ZC3H12A: variants seen among roughly 807,000 people sequenced by gnomAD.
The protein encoded by ZC3H12A is zinc finger CCCH-type containing 12A, also known as endoribonuclease ZC3H12A.
A neutral mutation model predicts 29.9 loss-of-function variants in ZC3H12A; 9 were observed. The observed-to-expected ratio is 0.30, with a 90% CI of 0.18 to 0.53. The LOEUF (loss-of-function observed/expected upper bound fraction) is 0.53. Ranked by LOEUF, ZC3H12A falls within the 20% of genes least tolerant of loss-of-function variation. The probability of loss-of-function intolerance (pLI) is 0.96; values close to 1 mark genes in which losing one functional copy is unlikely to be tolerated. For synonymous variants in ZC3H12A, 323 were observed against 338.1 expected (o/e 0.96, Z 0.49); for missense variants, 617 against 799.0 (o/e 0.77, Z 2.75).
In ZC3H12A at chr1:37,474,886, C is replaced by T. The variant is rs1054733401; in HGVS notation, c.-39+257C>T. ...GGGCCGAGCAAGCGCGGGTCTCGGG[C>T]CGGGACAGCCTCGGCGTCACCAGCT... is the stretch of plus-strand genomic sequence containing the variant. On this transcript the variant is annotated intron_variant, in intron 1 of 5. Coordinates refer to ENST00000373087, the MANE Select transcript of ZC3H12A (RefSeq NM_025079.3). Among the ~76,000 whole-genome samples the T allele has an allele frequency of 7.9e-5, 12 of 152,282 alleles. 1 individual carries two copies. The highest frequency in any genetic ancestry group is 6.2e-4 in the South Asian group (3 of 4,826).
In ZC3H12A at chr1:37,483,243, C is replaced by T. The variant is rs748650057; in HGVS notation, c.1432C>T (p.Leu478Phe). Residue 478 changes from leucine to phenylalanine, a missense_variant, in exon 6 of 6, where the codon CTC becomes TTC. By Grantham distance (22) the Leu-to-Phe change is conservative. Transcript: ENST00000373087. ...GGGCTACAGTCCCTATGGATCTGAG[C>T]TCCCAGCCACCGCAGCCTTCTCTGC... is the stretch of plus-strand genomic sequence containing the variant. Reference protein sequence around the residue: ...YTGYSPYGSELPATAAFSAFG... With the variant: ...YTGYSPYGSEFPATAAFSAFG... 6.2e-7 allele frequency: 1 copy of T among 1,613,916 alleles called. No homozygotes were observed. Among genetic ancestry groups the T allele is most frequent in the Non-Finnish European group, 8.5e-7 (1 of 1,179,978 alleles).
rs141799742 is a variant in ZC3H12A at position 37,478,049 on chromosome 1, G to A, written c.443+2110G>A. On this transcript the variant is annotated intron_variant, in intron 2 of 5. Transcript: ENST00000373087. The surrounding 1 kb of genome is among the most constrained non-coding windows in gnomAD (Gnocchi z 5.2). ...GATACTAGCCTAGGATCATGTGCCC[G>A]GAGGGAGGCAGGTGGGCGGATACAT... 4.6e-5 allele frequency among the ~76,000 whole-genome samples: 7 copies of A among 152,268 alleles called. No homozygotes were observed. Among genetic ancestry groups the A allele is most frequent in the East Asian group, 3.9e-4 (2 of 5,184 alleles).
chr1:37,480,248 G>C (rs1641675305), intron 2 of ZC3H12A, 42 bp from the exon 3 acceptor site: 2 of 1,591,348 alleles, frequency 1.3e-6, no homozygotes, highest in South Asian at 2.3e-5. Context: ...GGGGTGGCAG[G>C]CTGGCCATCA....
chr1:37,475,723 C>A lies in ZC3H12A; in HGVS notation c.227C>A (p.Ala76Glu), dbSNP rs754883836. 4.3e-6 allele frequency: 7 copies of A among 1,613,936 alleles called. No individual in the cohort carries two copies. Among genetic ancestry groups the A allele is most frequent in the Non-Finnish European group, 1.7e-6 (2 of 1,180,054 alleles). The change falls in exon 2 of 6, where the codon GCA becomes GAA. Residue 76 changes from alanine (A) to glutamate (E), a missense_variant. Coordinates refer to ENST00000373087, the MANE Select transcript of ZC3H12A (RefSeq NM_025079.3). The surrounding 1 kb of genome is among the most constrained non-coding windows in gnomAD (Gnocchi z 5.2). ...GTCCTGCAGAAGCTGGGCGTCCAGG[C>A]AGACACCAACACGGTGCTGGGTGAG... ...HSVLQKLGVQ[A>E]DTNTVLGELV...
Position 37,480,335 on chromosome 1 carries a change from A to G in ZC3H12A, c.489A>G (p.Ala163=). Residue 163 remains alanine (A), a synonymous_variant, in exon 3 of 6, where the codon GCA becomes GCG. Coordinates refer to ENST00000373087, the MANE Select transcript of ZC3H12A (RefSeq NM_025079.3). ...TCTCCTGCCGGGGCATCCTGCTGGC[A>G]GTGAACTGGTTTCTGGAGCGGGGCC... The part of the protein sequence containing the change: ...EVFSCRGILL[A]VNWFLERGHT... The G allele has an allele frequency of 6.2e-7, 1 of 1,614,096 alleles. No homozygotes were observed. The highest frequency in any genetic ancestry group is 8.5e-7 in the Non-Finnish European group (1 of 1,179,964).
rs1489906549 is a variant in ZC3H12A, at chr1:37,476,164, A to G, written c.443+225A>G. ...CCAGGTCCCTCTGTCCGCAGAGCTT[A>G]CCTTATGCTGTGGGTCCCTCCCTGA... On this transcript the variant is annotated intron_variant, in intron 2 of 5. Coordinates refer to ENST00000373087, the MANE Select transcript of ZC3H12A (RefSeq NM_025079.3). The surrounding 1 kb of genome is among the most constrained non-coding windows in gnomAD (Gnocchi z 6.0). Among the ~76,000 whole-genome samples the G allele has an allele frequency of 3.3e-5, 5 of 152,062 alleles. No homozygotes were observed. The highest frequency in any genetic ancestry group is 7.4e-5 in the Non-Finnish European group (5 of 68,008).
rs1297059756 is a variant in ZC3H12A at position 37,476,008 on chromosome 1, G to A, written c.443+69G>A. 6 of 1,397,518 alleles carry A rather than the reference G, an allele frequency of 4.3e-6. No homozygotes were observed. In the East Asian group the frequency reaches 1.5e-4, roughly 34 times the overall value. The allele number at this position is 1,397,518 out of a possible 1,614,324, so 86.6% of individuals were successfully genotyped here. On this transcript the variant is annotated intron_variant, in intron 2 of 5. Coordinates refer to ENST00000373087, the MANE Select transcript of ZC3H12A (RefSeq NM_025079.3). The surrounding 1 kb of genome is among the most constrained non-coding windows in gnomAD (Gnocchi z 6.0). ...CTCCTGTGGCCAGGACACATGGAAG[G>A]ATGACTGTCTCTGCAGCTCTGGTGG...
In ZC3H12A at chr1:37,479,547, G is replaced by T; in HGVS notation, c.444-743G>T. ...CCTGATGGTCTTTCTGCCTTGGGGT[G>T]AAGAGGCATTTGGGGGAATTGCCAT... On this transcript the variant is annotated intron_variant, in intron 2 of 5. Coordinates refer to ENST00000373087, the MANE Select transcript of ZC3H12A (RefSeq NM_025079.3). The surrounding 1 kb of genome is among the most constrained non-coding windows in gnomAD (Gnocchi z 4.5). 2 of 985,440 alleles carry T rather than the reference G, an allele frequency of 2.0e-6. No individual in the cohort carries two copies. The highest frequency in any genetic ancestry group is 9.4e-5 in the South Asian group (2 of 21,292). The allele number at this position is 985,440 out of a possible 1,614,324, so 61.0% of individuals were successfully genotyped here. A position where few individuals can be genotyped will look rare whatever the true frequency, so the allele number is the denominator to read the frequency against.
rs1641741148 is a variant in ZC3H12A, at chr1:37,482,917, CAG to C, written c.1111_1112del (p.Ser371Ter). ...TCATCCCAGTCCAGCTCTCTGCTAA[CAG>C]AGAGTGAGCAGTGCAGCCTGGATGG... On this transcript the variant is annotated frameshift_variant, in exon 6 of 6. Coordinates refer to ENST00000373087, the MANE Select transcript of ZC3H12A (RefSeq NM_025079.3). LOFTEE classifies it low-confidence loss of function (END_TRUNC). 2 of 1,613,756 alleles carry C rather than the reference CAG, an allele frequency of 1.2e-6. No homozygotes were observed. Among genetic ancestry groups the C allele is most frequent in the Non-Finnish European group, 8.5e-7 (1 of 1,180,032 alleles).
At position 37,476,634 on chromosome 1, in the gene ZC3H12A, G is replaced by T. The variant is rs1641595939; in HGVS notation, c.443+695G>T. 6.6e-6 allele frequency among the ~76,000 whole-genome samples: 1 copy of T among 152,182 alleles called. No individual in the cohort carries two copies. Among genetic ancestry groups the T allele is most frequent in the Non-Finnish European group, 1.5e-5 (1 of 68,020 alleles). On this transcript the variant is annotated intron_variant, in intron 2 of 5. Coordinates refer to ENST00000373087, the MANE Select transcript of ZC3H12A (RefSeq NM_025079.3). This position sits in a 1 kb window ranked among gnomAD's most constrained non-coding sequence, Gnocchi z 6.0. The stretch of plus-strand genomic sequence containing the variant: ...TCCCCGGGGCCAGAGCCAGGACTCA[G>T]CCCCCAGTGACTCCCACCCCCATCC...
intron 3 of ZC3H12A, among the ~76,000 whole-genome samples, chr1:37,480,786 C>G (rs1462019855): frequency 6.6e-6 from 1 of 152,182 alleles, no homozygotes; most frequent in African/African-American, 2.4e-5. Flanking sequence ...GCGCCCTGGC[C>G]TGGACAGGGA....
At position 37,483,217 on chromosome 1, in the gene ZC3H12A, C is replaced by T. The variant is rs1473689136; in HGVS notation, c.1406C>T (p.Thr469Met). 25 of 1,613,558 alleles carry T rather than the reference C, an allele frequency of 1.5e-5. No homozygotes were observed. Among genetic ancestry groups the T allele is most frequent in the Middle Eastern group, 3.3e-4 (2 of 6,084 alleles). ...GEPGPPRAPY[T>M]GYSPYGSELP... ...CCGGGCCCACCCCGAGCCCCTTACA[C>T]GGGCTACAGTCCCTATGGATCTGAG... Residue 469 changes from threonine to methionine, a missense_variant, in exon 6 of 6, where the codon ACG becomes ATG. Physicochemically the swap from Thr to Met is moderately conservative, Grantham distance 81. This residue lies in a region of ZC3H12A where 172 missense variants were observed against 203.1 expected (regional missense o/e 0.85). Coordinates refer to ENST00000373087, the MANE Select transcript of ZC3H12A (RefSeq NM_025079.3).
At chr1:37,477,478 C>T (rs574621830) in intron 2 of ZC3H12A, among the ~76,000 whole-genome samples, 2 of 152,238 alleles carry the variant, frequency 1.3e-5, no homozygotes, top group East Asian at 1.9e-4. Flanking sequence ...GGTTCCTGCC[C>T]GGCCACCCCC....
chr1:37,476,758 C>T lies in ZC3H12A; in HGVS notation c.443+819C>T, dbSNP rs1641598744. Reference sequence around the variant, plus strand: ...AGACTTCTCCCGTCAATCCAGGCTCCACCCTCTGGCCCCACTTTTTTCCCA... The same window carrying T: ...AGACTTCTCCCGTCAATCCAGGCTCTACCCTCTGGCCCCACTTTTTTCCCA... On this transcript the variant is annotated intron_variant, in intron 2 of 5. Coordinates refer to ENST00000373087, the MANE Select transcript of ZC3H12A (RefSeq NM_025079.3). This position sits in a 1 kb window ranked among gnomAD's most constrained non-coding sequence, Gnocchi z 6.0. 1.3e-5 allele frequency among the ~76,000 whole-genome samples: 2 copies of T among 152,256 alleles called. No homozygotes were observed. The highest frequency in any genetic ancestry group is 6.5e-5 in the Admixed American group (1 of 15,290).
At chr1:37,480,739 A>G (rs867365368) in intron 3 of ZC3H12A, among the ~76,000 whole-genome samples, 1 of 152,326 alleles carries the variant, frequency 6.6e-6, no homozygotes, top group South Asian at 2.1e-4. Context: ...CTGAGTCGAG[A>G]CAGCCAGAGT....
Position 37,479,410 on chromosome 1 carries a change from C to T in ZC3H12A, c.444-880C>T. ...GAGCTGCGGCAGCCCAGGAGCCCTG[C>T]CAGGCTTCCTTCTGGGTGCAGCCAC... On this transcript the variant is annotated intron_variant, in intron 2 of 5. Transcript: ENST00000373087. The surrounding 1 kb of genome is among the most constrained non-coding windows in gnomAD (Gnocchi z 4.5). 1.0e-6 allele frequency: 1 copy of T among 985,438 alleles called. No individual in the cohort carries two copies. Among genetic ancestry groups the T allele is most frequent in the Non-Finnish European group, 1.2e-6 (1 of 829,930 alleles). The allele number at this position is 985,438 out of a possible 1,614,324, so 61.0% of individuals were successfully genotyped here. A position where few individuals can be genotyped will look rare whatever the true frequency, so the allele number is the denominator to read the frequency against.
At position 37,481,667 on chromosome 1, in the gene ZC3H12A, G is replaced by A; in HGVS notation, c.650G>A (p.Gly217Asp). 1 of 1,614,264 alleles carries A rather than the reference G, an allele frequency of 6.2e-7. No homozygotes were observed. The highest frequency in any genetic ancestry group is 8.5e-7 in the Non-Finnish European group (1 of 1,180,042). Residue 217 changes from glycine to aspartate, a missense_variant, in exon 4 of 6, where the codon GGT (glycine) becomes GAT (aspartate). Gly to Asp is a moderately conservative substitution (Grantham distance 94, BLOSUM62 -1). Around this residue, in one of 5 missense-constraint regions of ZC3H12A, gnomAD observed 255 missense variants for 402.5 expected, o/e 0.63. Transcript: ENST00000373087. ...ILVFTPSRRV[G>D]GKRVVCYDDR... ...GTGTTCACACCATCACGACGCGTGG[G>A]TGGCAAGCGGGTGGTGTGCTATGAC...
Position 37,475,800 on chromosome 1 carries a change from C to A in ZC3H12A, c.304C>A (p.Pro102Thr), listed in dbSNP as rs1425900776. The stretch of plus-strand genomic sequence containing the variant: ...GCGGGAGCGCCAGACCTCACCGGAC[C>A]CCTGCCCTCAGCTCCCTCTAGTCCC... ...TERERQTSPD[P>T]CPQLPLVPRG... Residue 102 changes from proline to threonine, a missense_variant, in exon 2 of 6, where the codon CCC (proline) becomes ACC (threonine). By Grantham distance (38) the Pro-to-Thr change is conservative. Transcript: ENST00000373087. The surrounding 1 kb of genome is among the most constrained non-coding windows in gnomAD (Gnocchi z 5.2). 1 of 1,612,252 alleles carries A rather than the reference C, an allele frequency of 6.2e-7. No homozygotes were observed.
chr1:37,481,591 C>T lies in ZC3H12A; in HGVS notation c.584-10C>T, dbSNP rs1463379001. 1 of 1,613,990 alleles carries T rather than the reference C, an allele frequency of 6.2e-7. No homozygotes were observed. Among genetic ancestry groups the T allele is most frequent in the Non-Finnish European group, 8.5e-7 (1 of 1,179,924 alleles). ...TGGGCCCTGACCTGTGTGCACCCGT[C>T]ACCTCCCAGACCAGCACATCCTGCG... On this transcript the variant is annotated splice_polypyrimidine_tract_variant and intron_variant, in intron 3 of 5. Transcript: ENST00000373087.
Sources: gnomAD v4.1 joint callset for allele counts (sites outside exome capture counted in the v4.1 genomes callset) on GRCh38, gnomAD v4.1.1 for gene constraint, gnomAD v4.1.1 regional missense constraint, Gnocchi (gnomAD v3.1) non-coding constraint, MANE v1.5 for transcripts, NCBI Gene and HGNC (gene_info 2026-07-23, HGNC 2026-07-21) for gene names.